Variants in NAA11 observed in about 807,000 individuals in gnomAD.
NAA11 encodes N-alpha-acetyltransferase 11, NatA catalytic subunit, also known as N-alpha-acetyltransferase 11.
Under a neutral mutation model 16.1 loss-of-function variants are expected in NAA11, and 15 were observed. The ratio of observed to expected loss-of-function variants is 0.93; its 90% CI spans 0.62 to 1.44. The LOEUF is 1.44. Among genes scored for constraint, NAA11 ranks in the 40% most tolerant of loss-of-function variants. The pLI is 0.00. For synonymous variants in NAA11, 122 were observed against 112.4 expected (o/e 1.09, Z -0.54); for missense variants, 298 against 291.3 (o/e 1.02, Z -0.17).
chr4:79,267,013 A>G (rs1027015039), intron 2 of NAA11, among the ~76,000 whole-genome samples: 2 of 152,200 alleles, frequency 1.3e-5, no homozygotes, highest in African/African-American at 4.8e-5. Context: ...TTATCTTTGT[A>G]TAGTATATTT....
chr4:79,204,839 C>T, the NAA11 span, among the ~76,000 whole-genome samples: 1 of 151,648 alleles, frequency 6.6e-6, no homozygotes, highest in Non-Finnish European at 1.5e-5. Flanking sequence ...TGATTTACTT[C>T]ACTTAGGATA....
rs754326300 is a variant in NAA11, at chr4:79,325,708, A to G, written c.170T>C (p.Leu57Pro). 3 of 1,614,222 alleles carry G rather than the reference A, an allele frequency of 1.9e-6. No homozygotes were observed. Among genetic ancestry groups the G allele is most frequent in the South Asian group, 1.1e-5 (1 of 91,080 alleles). Residue 57 changes from leucine (L) to proline (P), a missense_variant, in exon 1 of 2, where the codon CTG (leucine) becomes CCG (proline). Transcript: ENST00000286794. ...DEDGKIVGYVLAKMEEEPDDV... is the reference protein window; with the variant it reads ...DEDGKIVGYVPAKMEEEPDDV... ...ATCTGGTTCCTCCTCCATTTTGGCC[A>G]GAACATAGCCCACAATCTTCCCGTC...
intron 2 of NAA11, among the ~76,000 whole-genome samples, chr4:79,226,825 T>C (rs1334997625): frequency 2.0e-5 from 3 of 152,120 alleles, no homozygotes; most frequent in Non-Finnish European, 4.4e-5. Flanking sequence ...ATCCAGTCTA[T>C]CATTGTTGGA....
chr4:79,227,755 CTA>C (rs370028097), intron 2 of NAA11: 40 of 152,020 alleles, frequency 2.6e-4, no homozygotes, highest in African/African-American at 9.6e-4. Context: ...ATAATGCAGC[CTA>C]TGTTTTCTTT....
chr4:79,321,559 T>G (rs899456008), intron 1 of NAA11, among the ~76,000 whole-genome samples: 1 of 152,166 alleles, frequency 6.6e-6, no homozygotes, highest in Non-Finnish European at 1.5e-5. Flanking sequence ...GACCTTGGAT[T>G]TGGAACAAAA....
At chr4:79,291,896 G>C (rs1723095795) in intron 2 of NAA11, among the ~76,000 whole-genome samples, 1 of 152,100 alleles carries the variant, frequency 6.6e-6, no homozygotes, top group Non-Finnish European at 1.5e-5. Flanking sequence ...CAAAATTTGA[G>C]ATGTGGGTAG....
the NAA11 span, among the ~76,000 whole-genome samples, chr4:79,155,558 A>G: frequency 6.6e-6 from 1 of 152,222 alleles, no homozygotes; most frequent in Non-Finnish European, 1.5e-5. Flanking sequence ...TCTCATTTGC[A>G]TCAACTGCCT....
intron 1 of NAA11, among the ~76,000 whole-genome samples, chr4:79,294,965 G>A (rs1723177332): frequency 6.6e-6 from 1 of 152,104 alleles, no homozygotes; most frequent in African/African-American, 2.4e-5. Flanking sequence ...TATAGTAGGT[G>A]TTTAATAAAT....
At chr4:79,196,955 C>CAAAAAAAAAAAA in the NAA11 span, among the ~76,000 whole-genome samples, 248 of 86,198 alleles carry the variant, frequency 2.9e-3, 1 homozygote, top group African/African-American at 4.7e-3. Flanking sequence ...ATGAAAAAGA[C>CAAAAAAAAAAAA]AAAAAAAAAA....
downstream of NAA11, among the ~76,000 whole-genome samples, chr4:79,314,597 T>C (rs1042350045): frequency 6.9e-6 from 1 of 145,186 alleles, no homozygotes; most frequent in Non-Finnish European, 1.5e-5. Context: ...AAAATCTCTA[T>C]TAGACCACCT....
In NAA11 at chr4:79,325,372, TACCCGCCC is replaced by T. The variant is rs1724235204; in HGVS notation, c.498_505del (p.Gly167CysfsTer18). 1 of 1,613,926 alleles carries T rather than the reference TACCCGCCC, an allele frequency of 6.2e-7. No individual in the cohort carries two copies. The highest frequency in any genetic ancestry group is 1.3e-5 in the African/African-American group (1 of 74,920). On this transcript the variant is annotated frameshift_variant, in exon 1 of 2. Transcript: ENST00000286794. LOFTEE classifies it high-confidence loss of function. ...GTTCTCCCTGGAGCCCAGGACCACATACCCGCCCTTCTTCAGGTCCATTTGTCGTCTCA... is the reference window on the plus strand; with the variant it reads ...GTTCTCCCTGGAGCCCAGGACCACATTTCTTCAGGTCCATTTGTCGTCTCA...
the NAA11 span, among the ~76,000 whole-genome samples, chr4:79,183,409 T>C: frequency 2.8e-4 from 41 of 148,114 alleles, 1 homozygote; most frequent in South Asian, 8.8e-3. Flanking sequence ...TTAGAAATAG[T>C]GGGGCCTAAA....
downstream of NAA11, among the ~76,000 whole-genome samples, chr4:79,222,167 G>T (rs1249386290): frequency 6.6e-6 from 1 of 152,106 alleles, no homozygotes; most frequent in Non-Finnish European, 1.5e-5. Flanking sequence ...TTGCGTAGAG[G>T]TGTTTGTAGT....
At chr4:79,258,608 C>T (rs978313557) in intron 2 of NAA11, among the ~76,000 whole-genome samples, 1 of 152,150 alleles carries the variant, frequency 6.6e-6, no homozygotes, top group African/African-American at 2.4e-5. Flanking sequence ...TGCTGGCCTG[C>T]AGGCACCCCT....
At chr4:79,266,279 G>C (rs1722343183) in intron 2 of NAA11, among the ~76,000 whole-genome samples, 2 of 152,194 alleles carry the variant, frequency 1.3e-5, no homozygotes, top group South Asian at 2.1e-4. Context: ...CACTCACACA[G>C]AGCAGTAGCT....
chr4:79,258,509 G>A (rs1281979105), intron 2 of NAA11, among the ~76,000 whole-genome samples: 1 of 152,218 alleles, frequency 6.6e-6, no homozygotes, highest in African/African-American at 2.4e-5. Context: ...GTGCTGACAG[G>A]ACAGCCCCCT....
chr4:79,234,831 T>G (rs1206811249), intron 2 of NAA11, among the ~76,000 whole-genome samples: 1 of 152,160 alleles, frequency 6.6e-6, no homozygotes, highest in Non-Finnish European at 1.5e-5. Flanking sequence ...GTTTTCTCTT[T>G]GAACAAACTA....
the NAA11 span, among the ~76,000 whole-genome samples, chr4:79,182,406 T>C: frequency 4.6e-5 from 7 of 152,180 alleles, no homozygotes; most frequent in Non-Finnish European, 1.0e-4. Context: ...GAGCAATGAC[T>C]AAGTTCGTTA....
At chr4:79,312,954 A>G (rs1216021738), downstream of NAA11, among the ~76,000 whole-genome samples, 1 of 152,246 alleles carries the variant, frequency 6.6e-6, no homozygotes, top group Non-Finnish European at 1.5e-5. Context: ...AGTAAAAGGT[A>G]ACTTTTATTG....
Sources: gnomAD v4.1 joint callset for allele counts (sites outside exome capture counted in the v4.1 genomes callset) on GRCh38, gnomAD v4.1.1 for gene constraint, MANE v1.5 for transcripts, NCBI Gene and HGNC (gene_info 2026-07-23, HGNC 2026-07-21) for gene names.